The following CTNND2 variants were observed in gnomAD, a reference collection of about 807,000 sequenced individuals.
CTNND2 encodes catenin delta 2.
CTNND2 carries 22 observed loss-of-function variants against 144.4 expected under a neutral mutation model. The observed-to-expected ratio is 0.15, with a 90% CI of 0.11 to 0.22. CTNND2 has a LOEUF of 0.22. Among genes scored for constraint, CTNND2 ranks in the 10% least tolerant of loss-of-function variants. The pLI is 1.00. For missense variants in CTNND2, 1,353 were observed against 1,618.8 expected, an observed-to-expected ratio of 0.84 and a Z score of 2.82; for synonymous variants, 751 against 695.6, an observed-to-expected ratio of 1.08 and a Z score of -1.25.
intron 1 of CTNND2, among the ~76,000 whole-genome samples, chr5:11,852,756 A>C (rs1795075733): frequency 6.6e-6 from 1 of 152,234 alleles, no homozygotes; most frequent in Admixed American, 6.5e-5. Context: ...ATAGAGCAAC[A>C]AAATATATGT....
intron 3 of CTNND2, among the ~76,000 whole-genome samples, chr5:11,549,020 G>C (rs1207039875): frequency 6.6e-6 from 1 of 152,162 alleles, no homozygotes; most frequent in South Asian, 2.1e-4. Context: ...AACTAGAAAA[G>C]AGTTAATTTA....
chr5:11,623,813 TATATATATATATATATATATA>T (rs1299519840), intron 2 of CTNND2, among the ~76,000 whole-genome samples: 1 of 21,774 alleles, frequency 4.6e-5, no homozygotes, highest in Non-Finnish European at 1.0e-4. Flanking sequence ...TGTATGTATA[TATATATATATATATATATATA>T]TATATATATA....
intron 2 of CTNND2, among the ~76,000 whole-genome samples, chr5:11,680,944 T>G (rs983118045): frequency 4.6e-5 from 7 of 152,160 alleles, no homozygotes; most frequent in Non-Finnish European, 1.0e-4. Flanking sequence ...CACACTCAGT[T>G]CTGGACATGT....
In CTNND2 at chr5:11,533,312, C is replaced by G. The variant is rs142544569; in HGVS notation, c.287+31632G>C. On this transcript the variant is annotated intron_variant, in intron 3 of 21. Transcript: ENST00000304623. ...TCATCAGTTAATAGGCTTCAACAGCCCTTTAATGTAAATTATACTCAGGAG... is the reference window on the plus strand; with the variant it reads ...TCATCAGTTAATAGGCTTCAACAGCGCTTTAATGTAAATTATACTCAGGAG... Among the ~76,000 whole-genome samples the G allele has an allele frequency of 4.6e-5, 7 of 152,318 alleles. No individual in the cohort carries two copies. In the East Asian group the frequency reaches 1.2e-3, roughly 25 times the overall value.
intron 3 of CTNND2, among the ~76,000 whole-genome samples, chr5:11,503,013 G>A (rs1329528102): frequency 1.3e-5 from 2 of 152,206 alleles, no homozygotes; most frequent in Non-Finnish European, 2.9e-5. Flanking sequence ...TTAAATTGAT[G>A]TGTGGATTAT....
At chr5:11,554,852 A>G (rs1056314328) in intron 3 of CTNND2, among the ~76,000 whole-genome samples, 2 of 151,734 alleles carry the variant, frequency 1.3e-5, no homozygotes, top group Non-Finnish European at 2.9e-5. Flanking sequence ...AAAATGTAAT[A>G]TTATGACCTA....
chr5:11,765,331 G>A (rs1159643194), intron 1 of CTNND2, among the ~76,000 whole-genome samples: 2 of 152,188 alleles, frequency 1.3e-5, no homozygotes, highest in African/African-American at 2.4e-5. Context: ...GGTGGAGAAG[G>A]GGCAGTCCCA....
rs143658603 is a variant in CTNND2, at chr5:11,373,108, C to T, written c.1178-8218G>A. Among the ~76,000 whole-genome samples the T allele has an allele frequency of 3.3e-3, 502 of 152,370 alleles. 1 individual carries two copies. Among genetic ancestry groups the T allele is most frequent in the African/African-American group, 0.011 (468 of 41,590 alleles). On this transcript the variant is annotated intron_variant, in intron 7 of 21. Coordinates refer to ENST00000304623, the MANE Select transcript of CTNND2 (RefSeq NM_001332.4). ...GCTGGCCATGACAACTGTGACCATT[C>T]TATCAGCTGCTGCAGAGTGACTGAT...
At chr5:11,081,086 A>ACACACACACACACACACACACACT (rs1554039106) in intron 16 of CTNND2, among the ~76,000 whole-genome samples, 29 of 148,508 alleles carry the variant, frequency 2.0e-4, no homozygotes, top group South Asian at 4.5e-4. Flanking sequence ...ACACACACAC[A>ACACACACACACACACACACACACT]CACACACACA....
In CTNND2 at chr5:11,343,204, G is replaced by A. The variant is rs920537768; in HGVS notation, c.1628+3168C>T. Among the ~76,000 whole-genome samples the A allele has an allele frequency of 2.6e-5, 4 of 152,162 alleles. No homozygotes were observed. The East Asian group carries it at 7.7e-4, about 29-fold the overall frequency. On this transcript the variant is annotated intron_variant, in intron 9 of 21. Coordinates refer to ENST00000304623, the MANE Select transcript of CTNND2 (RefSeq NM_001332.4). ...CAGAACCAATCCTTTTGTATCCTAT[G>A]ACTTAGAGTCACAGAAAGTCAATAT...
chr5:11,471,639 T>A (rs1427211707), intron 3 of CTNND2, among the ~76,000 whole-genome samples: 1 of 152,232 alleles, frequency 6.6e-6, no homozygotes, highest in African/African-American at 2.4e-5. Context: ...ATAGCTTGAC[T>A]ATGACTTTTA....
intron 10 of CTNND2, among the ~76,000 whole-genome samples, chr5:11,214,178 T>C (rs1738934762): frequency 6.6e-6 from 1 of 152,200 alleles, no homozygotes; most frequent in Admixed American, 6.5e-5. Context: ...ATAACCTCAA[T>C]AATAAATAGT....
At chr5:11,518,432 A>G (rs769705626) in intron 3 of CTNND2, among the ~76,000 whole-genome samples, 3 of 152,226 alleles carry the variant, frequency 2.0e-5, no homozygotes, top group Non-Finnish European at 4.4e-5. Context: ...TAATTACAGT[A>G]AGGTTAATTT....
At chr5:11,167,487 TGG>T (rs1306346933) in intron 11 of CTNND2, among the ~76,000 whole-genome samples, 2 of 152,206 alleles carry the variant, frequency 1.3e-5, no homozygotes, top group Non-Finnish European at 2.9e-5. Context: ...TAAATTTACC[TGG>T]GTCTCCATGC....
chr5:11,112,407 A>G (rs1304381115), intron 13 of CTNND2, among the ~76,000 whole-genome samples: 1 of 152,206 alleles, frequency 6.6e-6, no homozygotes, highest in African/African-American at 2.4e-5. Context: ...GTATGTGGGC[A>G]GGGTCTAGAT....
intron 13 of CTNND2, among the ~76,000 whole-genome samples, chr5:11,114,206 C>A (rs1324643323): frequency 4.6e-5 from 7 of 152,178 alleles, no homozygotes; most frequent in Non-Finnish European, 8.8e-5. Flanking sequence ...GGAGAATAAA[C>A]TTCTTTCTCA....
chr5:11,761,078 A>G (rs867689802), intron 1 of CTNND2, among the ~76,000 whole-genome samples: 1 of 152,138 alleles, frequency 6.6e-6, no homozygotes, highest in African/African-American at 2.4e-5. Flanking sequence ...GTACTTGATG[A>G]TGTCAATAAT....
chr5:11,800,531 A>T (rs1581905911), intron 1 of CTNND2, among the ~76,000 whole-genome samples: 1 of 152,312 alleles, frequency 6.6e-6, no homozygotes, highest in East Asian at 1.9e-4. Flanking sequence ...TATTCACCAT[A>T]GGTCAGACCT....
At chr5:11,882,260 C>T in intron 1 of CTNND2, among the ~76,000 whole-genome samples, 1 of 151,846 alleles carries the variant, frequency 6.6e-6, no homozygotes. Context: ...GCTTTTATTT[C>T]CTATGCTTTT....
Sources: gnomAD v4.1 joint callset for allele counts (sites outside exome capture counted in the v4.1 genomes callset) on GRCh38, gnomAD v4.1.1 for gene constraint, MANE v1.5 for transcripts, NCBI Gene and HGNC (gene_info 2026-07-23, HGNC 2026-07-21) for gene names.